The following NPIPB9 variants were observed in gnomAD, a reference collection of about 807,000 sequenced individuals.
NPIPB9 encodes the protein nuclear pore complex-interacting protein family member B9.
A neutral mutation model predicts 5.6 loss-of-function variants in NPIPB9; 1 was observed. The ratio of observed to expected loss-of-function variants is 0.18; its 90% CI spans 0.06 to 0.84. NPIPB9 has a LOEUF of 0.84. Ranked by LOEUF, NPIPB9 falls within the 40% of genes least tolerant of loss-of-function variation. The pLI is 0.70. For synonymous variants in NPIPB9, 2 were observed against 12.5 expected (o/e 0.16, Z 1.77); for missense variants, 3 against 39.1 (o/e 0.08, Z 2.46).
chr16:28,753,773 A>AG (rs2048719907), intron 1 of NPIPB9, among the ~76,000 whole-genome samples: 1 of 56,148 alleles, frequency 1.8e-5, no homozygotes, highest in Non-Finnish European at 3.8e-5. Context: ...CATATTGGCC[A>AG]GGCTCGTGTC....
Position 28,753,507 on chromosome 16 carries a change from TAC to T in NPIPB9, c.25+933_25+934del, listed in dbSNP as rs1214843854. Among the ~76,000 whole-genome samples the T allele has an allele frequency of 7.3e-4, 47 of 64,204 alleles. 5 individuals are homozygous for T. Among genetic ancestry groups the T allele is most frequent in the Non-Finnish European group, 1.1e-3 (33 of 30,414 alleles). 42.1% of individuals were successfully genotyped at this position (64,204 alleles called of 152,430 possible). On this transcript the variant is annotated intron_variant, in intron 1 of 7. Coordinates refer to ENST00000550983, the Ensembl canonical transcript of NPIPB9. The stretch of plus-strand genomic sequence containing the variant: ...CTTTTATTTTTGAGATTTATATAGA[TAC>T]ACACACACACACACACATACATACA...
chr16:28,765,430 G>C (rs1472316943), intron 3 of NPIPB9, among the ~76,000 whole-genome samples: 1 of 40,564 alleles, frequency 2.5e-5, no homozygotes, highest in Non-Finnish European at 4.3e-5. Context: ...TTTTTTTTGA[G>C]ACAGAGTTTC....
At chr16:28,758,526 C>T (rs1203259554) in intron 2 of NPIPB9, 3 of 46,942 alleles carry the variant, frequency 6.4e-5, no homozygotes, top group African/African-American at 3.1e-4. Flanking sequence ...CCCCCCTTCC[C>T]CTCCCCTTCC....
rs1287666830 is a variant in NPIPB9 at position 28,767,049 on chromosome 16, G to C, written c.590+560G>C. Among the ~76,000 whole-genome samples the C allele has an allele frequency of 4.5e-5, 2 of 44,522 alleles. 1 individual carries two copies. The highest frequency in any genetic ancestry group is 8.4e-5 in the Non-Finnish European group (2 of 23,906). The allele number at this position is 44,522 out of a possible 152,430, so 29.2% of individuals were successfully genotyped here. ...GCTTTTTTTTTTTTTTTTTAATTTT[G>C]AGATAGAATCTCGCTCTGTCGCCCA... is the stretch of plus-strand genomic sequence containing the variant. On this transcript the variant is annotated intron_variant, in intron 5 of 7. Transcript: ENST00000550983.
At chr16:28,767,454 C>A (rs2049272061) in intron 5 of NPIPB9, among the ~76,000 whole-genome samples, 1 of 32,458 alleles carries the variant, frequency 3.1e-5, no homozygotes, top group Non-Finnish European at 6.0e-5. Context: ...TCATGATCCA[C>A]ACACCTCGGC....
At chr16:28,753,529 CAT>C (rs1273496944) in intron 1 of NPIPB9, among the ~76,000 whole-genome samples, 4,683 of 61,456 alleles carry the variant, frequency 0.076, 67 homozygotes, top group African/African-American at 0.097. Context: ...CACACACATA[CAT>C]ACACACACAC....
intron 5 of NPIPB9, among the ~76,000 whole-genome samples, chr16:28,767,310 C>A (rs1306704941): frequency 9.5e-6 from 1 of 104,964 alleles, no homozygotes; most frequent in Non-Finnish European, 2.1e-5. Context: ...ATTCTTATCC[C>A]TCAGCCTCTT....
rs1307374583 is a variant in NPIPB9, at chr16:28,756,269, A to G, written c.26-1729A>G. Reference sequence around the variant, plus strand: ...ACCCAGGCTGGAGTGCAATGGTACGATCTCGGCTCACTGCAACCTCCGCCT... The same window carrying G: ...ACCCAGGCTGGAGTGCAATGGTACGGTCTCGGCTCACTGCAACCTCCGCCT... On this transcript the variant is annotated intron_variant, in intron 1 of 7. Coordinates refer to ENST00000550983, the Ensembl canonical transcript of NPIPB9. Among the ~76,000 whole-genome samples the G allele has an allele frequency of 3.9e-5, 5 of 128,080 alleles. No individual in the cohort carries two copies. In the Admixed American group the frequency reaches 4.2e-4, roughly 11 times the overall value. 84.0% of individuals were successfully genotyped at this position (128,080 alleles called of 152,430 possible).
chr16:28,769,443 T>C, intron 5 of NPIPB9: 1 of 273,690 alleles, frequency 3.7e-6, no homozygotes, highest in African/African-American at 3.2e-5. Context: ...TGTGTGTGCA[T>C]TTCTCTCCCT....
intron 3 of NPIPB9, among the ~76,000 whole-genome samples, chr16:28,765,774 T>TGAGA (rs1555495179): frequency 5.7e-4 from 45 of 78,838 alleles, no homozygotes; most frequent in East Asian, 1.3e-3. Flanking sequence ...TGTGTGTGTG[T>TGAGA]GACAGAGTCT....
In NPIPB9 at chr16:28,754,894, G is replaced by A. The variant is rs1389840956; in HGVS notation, c.25+2302G>A. Among the ~76,000 whole-genome samples the A allele has an allele frequency of 2.1e-5, 3 of 139,910 alleles. No individual in the cohort carries two copies. The Admixed American group carries it at 2.2e-4, about 10-fold the overall frequency. The allele number at this position is 139,910 out of a possible 152,430, so 91.8% of individuals were successfully genotyped here. ...GCAGTTTGGTCGGATGTAATCAGCA[G>A]TGAACTCAGAATCAATTGAGTGACA... On this transcript the variant is annotated intron_variant, in intron 1 of 7. Transcript: ENST00000550983.
intron 1 of NPIPB9, among the ~76,000 whole-genome samples, chr16:28,753,571 CATAT>C (rs1437692148): frequency 5.3e-5 from 3 of 56,252 alleles, no homozygotes; most frequent in African/African-American, 1.3e-4. Flanking sequence ...CACACACACA[CATAT>C]AGAGAGAGAG....
rs1259688329 is a variant in NPIPB9 at position 28,760,598 on chromosome 16, G to T, written c.112-1653G>T. Reference sequence around the variant, plus strand: ...CTCGGCTTCCCAAAGTGCTGAGATTGCAGGCGTGAGCCACCACGCCCAGCC... The same window carrying T: ...CTCGGCTTCCCAAAGTGCTGAGATTTCAGGCGTGAGCCACCACGCCCAGCC... On this transcript the variant is annotated intron_variant, in intron 2 of 7. Transcript: ENST00000550983. Among the ~76,000 whole-genome samples, 2 of 41,088 alleles carry T rather than the reference G, an allele frequency of 4.9e-5. 1 individual carries two copies. Among genetic ancestry groups the T allele is most frequent in the Non-Finnish European group, 8.3e-5 (2 of 24,202 alleles). 27.0% of individuals were successfully genotyped at this position (41,088 alleles called of 152,430 possible).
At chr16:28,754,584 T>C (rs1166823092) in intron 1 of NPIPB9, among the ~76,000 whole-genome samples, 1 of 90,680 alleles carries the variant, frequency 1.1e-5, no homozygotes, top group Non-Finnish European at 2.2e-5. Flanking sequence ...CACGCTTCAC[T>C]TCCACTCACA....
chr16:28,753,596 A>G (rs1399503265), intron 1 of NPIPB9, among the ~76,000 whole-genome samples: 1 of 58,908 alleles, frequency 1.7e-5, no homozygotes, highest in Non-Finnish European at 3.6e-5. Context: ...ACAGAGTTTC[A>G]CTCTGTCGCC....
intron 3 of NPIPB9, among the ~76,000 whole-genome samples, chr16:28,765,743 G>GTGTGTGTGTGTGTT (rs1409735773): frequency 2.1e-5 from 2 of 96,938 alleles, no homozygotes; most frequent in Admixed American, 2.2e-4. Flanking sequence ...GTGTGTGTGT[G>GTGTGTGTGTGTGTT]TGTGTGTGTG....
intron 1 of NPIPB9, among the ~76,000 whole-genome samples, chr16:28,753,531 TACACAC>T (rs1158927991): frequency 0.016 from 665 of 41,634 alleles, 10 homozygotes; most frequent in African/African-American, 0.039. Context: ...CACACATACA[TACACAC>T]ACACACACAC....
intron 5 of NPIPB9, chr16:28,769,668 A>G (rs1411846561): frequency 4.2e-6 from 3 of 706,216 alleles, no homozygotes; most frequent in Non-Finnish European, 5.1e-6. Context: ...AGAAATAGAA[A>G]CAAACGGTCA....
chr16:28,769,615 T>G (rs915899346), intron 5 of NPIPB9: 1 of 593,796 alleles, frequency 1.7e-6, no homozygotes, highest in Non-Finnish European at 2.1e-6. Flanking sequence ...CCCATTGGAG[T>G]GCTGTTTTTA....
Sources: allele counts gnomAD v4.1 joint callset (sites outside exome capture counted in the v4.1 genomes callset), GRCh38; gene constraint gnomAD v4.1.1; transcripts MANE v1.5; gene names NCBI Gene and HGNC (gene_info 2026-07-23, HGNC 2026-07-21).